TENM4: variants seen among roughly 807,000 people sequenced by gnomAD.
TENM4 encodes the protein teneurin transmembrane protein 4, also known as teneurin-4.
A neutral mutation model predicts 243.3 loss-of-function variants in TENM4; 82 were observed. That is an observed-to-expected ratio of 0.34 (90% CI 0.28 to 0.40). The LOEUF is 0.40. Among genes scored for constraint, TENM4 ranks in the 10% least tolerant of loss-of-function variants. TENM4 has a pLI of 1.00. For missense variants in TENM4, 3,138 were observed against 3,673.3 expected (o/e 0.85, Z 3.77); for synonymous variants, 1,412 against 1,456.3 (o/e 0.97, Z 0.69).
chr11:79,049,779 T>C (rs1365120612), intron 6 of TENM4, among the ~76,000 whole-genome samples: 1 of 152,200 alleles, frequency 6.6e-6, no homozygotes, highest in Non-Finnish European at 1.5e-5. Flanking sequence ...CTTGGGGCCC[T>C]GAGTCTTGAG....
intron 21 of TENM4, among the ~76,000 whole-genome samples, chr11:78,730,197 T>C (rs1004990598): frequency 6.6e-6 from 1 of 152,176 alleles, no homozygotes; most frequent in Non-Finnish European, 1.5e-5. Context: ...TCAGGTGGCA[T>C]GCAGTGCTGC....
chr11:78,936,350 C>A (rs1159068987), intron 6 of TENM4, among the ~76,000 whole-genome samples: 1 of 152,004 alleles, frequency 6.6e-6, no homozygotes, highest in Admixed American at 6.6e-5. Context: ...ATTATCATTG[C>A]CAAGTTCAGT....
intron 30 of TENM4, among the ~76,000 whole-genome samples, chr11:78,675,901 G>T (rs1205261052): frequency 6.6e-6 from 1 of 152,108 alleles, no homozygotes; most frequent in Non-Finnish European, 1.5e-5. Context: ...ATCTGTCCAA[G>T]CTCACTCAGG....
Position 78,668,923 on chromosome 11 carries a change from G to T in TENM4, c.7408+14C>A, listed in dbSNP as rs200878835. On this transcript the variant is annotated intron_variant, in intron 32 of 33. Transcript: ENST00000278550. The stretch of plus-strand genomic sequence containing the variant: ...TTTATGGGGTCCTGCCCCTGAGTGA[G>T]CCGTGGTCCTTACCTGTCATGAAGC... 1.2e-6 allele frequency: 2 copies of T among 1,605,052 alleles called. No homozygotes were observed. Among genetic ancestry groups the T allele is most frequent in the African/African-American group, 2.7e-5 (2 of 74,884 alleles).
At chr11:78,730,169 C>T (rs1169576646) in intron 21 of TENM4, among the ~76,000 whole-genome samples, 1 of 152,214 alleles carries the variant, frequency 6.6e-6, no homozygotes, top group Admixed American at 6.5e-5. Context: ...AGGTAAAGTG[C>T]CTAGCACAGA....
chr11:78,732,072 T>C (rs1049161909), intron 21 of TENM4, among the ~76,000 whole-genome samples: 31 of 152,174 alleles, frequency 2.0e-4, no homozygotes, highest in Admixed American at 1.9e-3. Flanking sequence ...GAATTTAGTA[T>C]AAACCAGAGT....
At chr11:79,307,423 AC>A (rs1189819601) in intron 1 of TENM4, among the ~76,000 whole-genome samples, 1 of 151,250 alleles carries the variant, frequency 6.6e-6, no homozygotes. Flanking sequence ...CCTGCACTGA[AC>A]CCCCTAGATC....
rs1299261861 is a variant in TENM4, at chr11:78,669,577, A to G, written c.6768T>C (p.Asp2256=). 1 of 1,613,846 alleles carries G rather than the reference A, an allele frequency of 6.2e-7. No individual in the cohort carries two copies. Among genetic ancestry groups the G allele is most frequent in the Non-Finnish European group, 8.5e-7 (1 of 1,179,870 alleles). ...CCCGCTGCCTCAGGAAGCCATCCTCATCCATCTTGTATTGCACGTCACCCA... is the reference window on the plus strand; with the variant it reads ...CCCGCTGCCTCAGGAAGCCATCCTCGTCCATCTTGTATTGCACGTCACCCA... ...TRLGDVQYKM[D]EDGFLRQRGG... is the part of the protein sequence containing the mutation. Residue 2256 remains aspartate (D), a synonymous_variant, in exon 32 of 34, where the codon GAT becomes GAC. Transcript: ENST00000278550. The surrounding 1 kb of genome is among the most constrained non-coding windows in gnomAD (Gnocchi z 6.4).
At chr11:78,693,056 G>C (rs1858864972) in intron 28 of TENM4, among the ~76,000 whole-genome samples, 1 of 152,196 alleles carries the variant, frequency 6.6e-6, no homozygotes. Context: ...TTAGTGCCCA[G>C]AGGAGTACCC....
At position 78,669,493 on chromosome 11, in the gene TENM4, A is replaced by C. The variant is rs991166617; in HGVS notation, c.6852T>G (p.Ala2284=). The part of the protein sequence containing the change: ...AGLLIKAYNR[A]GSWSVRYRYD... ...AGCGGTACCTGACACTCCAGCTGCC[A>C]GCCCGGTTGTAGGCCTTGATGAGCA... is the stretch of plus-strand genomic sequence containing the variant. The change falls in exon 32 of 34, where the codon GCT becomes GCG. Residue 2284 remains alanine (A), a synonymous_variant. Transcript: ENST00000278550. This position sits in a 1 kb window ranked among gnomAD's most constrained non-coding sequence, Gnocchi z 6.4. 1 of 1,613,778 alleles carries C rather than the reference A, an allele frequency of 6.2e-7. No individual in the cohort carries two copies. Among genetic ancestry groups the C allele is most frequent in the African/African-American group, 1.3e-5 (1 of 74,924 alleles).
At chr11:78,661,661 A>C in intron 32 of TENM4, 70 bp from the exon 33 acceptor site, 8 of 1,565,834 alleles carry the variant, frequency 5.1e-6, no homozygotes, top group Non-Finnish European at 6.9e-6. Context: ...TCCCCATCTC[A>C]CAGCCTACAG....
At chr11:79,317,087 G>A (rs1327091513) in intron 1 of TENM4, among the ~76,000 whole-genome samples, 1 of 152,186 alleles carries the variant, frequency 6.6e-6, no homozygotes, top group Non-Finnish European at 1.5e-5. Context: ...CAAAAAGAAT[G>A]ACTTTTAAAA....
At chr11:78,833,885 T>C (rs1041768985) in intron 12 of TENM4, among the ~76,000 whole-genome samples, 3 of 152,348 alleles carry the variant, frequency 2.0e-5, no homozygotes, top group Admixed American at 2.0e-4. Context: ...ATCTTCAGGC[T>C]CTTCTCTAGT....
intron 2 of TENM4, among the ~76,000 whole-genome samples, chr11:79,257,798 AC>A (rs968968094): frequency 2.0e-5 from 3 of 152,156 alleles, no homozygotes; most frequent in African/African-American, 7.2e-5. Flanking sequence ...TTCAAACTGA[AC>A]TTGAGACCAA....
chr11:79,417,806 C>T lies in TENM4; in HGVS notation c.-321+22703G>A, dbSNP rs183156867. ...CCCCAGGTATGTGCTTTTCTGGAACCTCCACACCTTTTCTCATGCTCTCTC... is the reference window on the plus strand; with the variant it reads ...CCCCAGGTATGTGCTTTTCTGGAACTTCCACACCTTTTCTCATGCTCTCTC... On this transcript the variant is annotated intron_variant, in intron 1 of 33. Transcript: ENST00000278550. Among the ~76,000 whole-genome samples the T allele has an allele frequency of 1.6e-3, 241 of 152,256 alleles. 2 individuals carry two copies. The highest frequency in any genetic ancestry group is 5.3e-3 in the African/African-American group (220 of 41,544).
chr11:79,408,956 C>T (rs1470894379), intron 1 of TENM4, among the ~76,000 whole-genome samples: 1 of 151,798 alleles, frequency 6.6e-6, no homozygotes, highest in Non-Finnish European at 1.5e-5. Flanking sequence ...ATTGCATGGC[C>T]TTTTTAAGGC....
In TENM4 at chr11:79,207,287, G is replaced by A. The variant is rs1441021967; in HGVS notation, c.-163+8521C>T. On this transcript the variant is annotated intron_variant, in intron 3 of 33. Coordinates refer to ENST00000278550, the MANE Select transcript of TENM4 (RefSeq NM_001098816.3). Reference sequence around the variant, plus strand: ...CACTGCTATGAAAGCTACAACTACTGCTGCTGTTGCCAAGAATAATAATAT... The same window carrying A: ...CACTGCTATGAAAGCTACAACTACTACTGCTGTTGCCAAGAATAATAATAT... Among the ~76,000 whole-genome samples the A allele has an allele frequency of 3.9e-5, 6 of 152,344 alleles. No individual in the cohort carries two copies. In the East Asian group the frequency reaches 9.6e-4, roughly 24 times the overall value.
chr11:78,960,921 C>A (rs1424755067), intron 6 of TENM4, among the ~76,000 whole-genome samples: 3 of 152,044 alleles, frequency 2.0e-5, no homozygotes, highest in Non-Finnish European at 4.4e-5. Flanking sequence ...CTAACAGTTA[C>A]CACACTCCTT....
intron 6 of TENM4, among the ~76,000 whole-genome samples, chr11:78,960,559 G>A (rs1318010572): frequency 6.6e-6 from 1 of 152,128 alleles, no homozygotes; most frequent in African/African-American, 2.4e-5. Flanking sequence ...GCTGGGGCAG[G>A]CTTCCCTTGT....
Sources: allele counts gnomAD v4.1 joint callset (sites outside exome capture counted in the v4.1 genomes callset), GRCh38; gene constraint gnomAD v4.1.1; non-coding constraint Gnocchi (gnomAD v3.1); transcripts MANE v1.5; gene names NCBI Gene and HGNC (gene_info 2026-07-23, HGNC 2026-07-21).